The following KPNA3 variants were observed in gnomAD, a reference collection of about 807,000 sequenced individuals.
The protein encoded by KPNA3 is importin subunit alpha-4.
KPNA3 carries 13 observed loss-of-function variants against 73.8 expected under a neutral mutation model. The ratio of observed to expected loss-of-function variants is 0.18; its 90% CI spans 0.11 to 0.28. The LOEUF is 0.28. Ranked by LOEUF, KPNA3 falls within the 10% of genes least tolerant of loss-of-function variation. The pLI, the probability that KPNA3 is intolerant of heterozygous loss-of-function variation, is 1.00. For missense variants in KPNA3, 360 were observed against 618.1 expected (o/e 0.58, Z 4.43); for synonymous variants, 186 against 206.9 (o/e 0.90, Z 0.87).
intron 12 of KPNA3, among the ~76,000 whole-genome samples, chr13:49,709,181 T>A (rs1046075458): frequency 6.6e-6 from 1 of 152,092 alleles, no homozygotes; most frequent in Non-Finnish European, 1.5e-5. Context: ...AGCAGGCGGA[T>A]CACAAGGTCA....
chr13:49,718,977 C>T (rs149184003), intron 10 of KPNA3, among the ~76,000 whole-genome samples: 1 of 105,720 alleles, frequency 9.5e-6, no homozygotes, highest in South Asian at 3.3e-4. Flanking sequence ...ATAAAGATTA[C>T]AAAAACACAA....
chr13:49,762,226 G>A (rs1330432794), intron 1 of KPNA3, among the ~76,000 whole-genome samples: 1 of 147,550 alleles, frequency 6.8e-6, no homozygotes, highest in African/African-American at 2.5e-5. Flanking sequence ...CCGGCCAGCC[G>A]CCCCGTCGCG....
chr13:49,752,164 T>A (rs1954668423), intron 1 of KPNA3, among the ~76,000 whole-genome samples: 1 of 152,168 alleles, frequency 6.6e-6, no homozygotes, highest in Admixed American at 6.5e-5. Flanking sequence ...CACATCAACA[T>A]TGTTAAGTAT....
chr13:49,715,842 T>C (rs1459223417), intron 10 of KPNA3, among the ~76,000 whole-genome samples: 1 of 152,200 alleles, frequency 6.6e-6, no homozygotes, highest in Admixed American at 6.5e-5. Context: ...ACAATAGTCA[T>C]TGGTATAATA....
chr13:49,752,983 C>A (rs1489530840), intron 1 of KPNA3, among the ~76,000 whole-genome samples: 1 of 129,494 alleles, frequency 7.7e-6, no homozygotes, highest in African/African-American at 3.0e-5. Context: ...GCCGAGATTG[C>A]GCCATTGCAC....
intron 14 of KPNA3, 118 bp downstream of exon 14, chr13:49,705,980 T>C: frequency 9.2e-7 from 1 of 1,087,980 alleles, no homozygotes. Context: ...TCTCTTAAAA[T>C]AATAATAATT....
chr13:49,783,095 T>C (rs1335248824), intron 1 of KPNA3, among the ~76,000 whole-genome samples: 1 of 152,128 alleles, frequency 6.6e-6, no homozygotes, highest in African/African-American at 2.4e-5. Flanking sequence ...TTTAACAACC[T>C]GAAGGCATCA....
At chr13:49,789,401 A>C (rs1955013430) in intron 1 of KPNA3, among the ~76,000 whole-genome samples, 1 of 152,066 alleles carries the variant, frequency 6.6e-6, no homozygotes, top group African/African-American at 2.4e-5. Flanking sequence ...ATGACAAAGA[A>C]ATTTTCTTCC....
intron 2 of KPNA3, among the ~76,000 whole-genome samples, chr13:49,737,665 T>C (rs763859608): frequency 1.5e-4 from 23 of 151,284 alleles, no homozygotes; most frequent in Non-Finnish European, 3.2e-4. Flanking sequence ...TGACTGTCCA[T>C]AGGCAACATC....
At chr13:49,729,410 C>A (rs1954440468) in intron 6 of KPNA3, among the ~76,000 whole-genome samples, 1 of 151,650 alleles carries the variant, frequency 6.6e-6, no homozygotes, top group African/African-American at 2.4e-5. Flanking sequence ...AATTATAAAG[C>A]CAAAGAAAGT....
At chr13:49,733,133 A>T in intron 2 of KPNA3, 87 bp from the exon 3 acceptor site, 1 of 822,210 alleles carries the variant, frequency 1.2e-6, no homozygotes, top group Non-Finnish European at 2.1e-6. Context: ...TTTATTAGGC[A>T]ATTATGAAAC....
chr13:49,715,805 G>A (rs953374949), intron 10 of KPNA3, among the ~76,000 whole-genome samples: 22 of 152,086 alleles, frequency 1.4e-4, no homozygotes, highest in Non-Finnish European at 1.2e-4. Context: ...ATACCCTGAA[G>A]ATATACCTCC....
At chr13:49,712,257 G>GA (rs961382229) in intron 10 of KPNA3, among the ~76,000 whole-genome samples, 2 of 152,272 alleles carry the variant, frequency 1.3e-5, no homozygotes, top group Non-Finnish European at 2.9e-5. Context: ...TCTCAAAAGA[G>GA]AAAAGACAGT....
Position 49,732,727 on chromosome 13 carries a change from GTATT to G in KPNA3, c.234+16_234+19del. On this transcript the variant is annotated intron_variant, in intron 4 of 16. Transcript: ENST00000261667. ...AATTTCAAAATACTTCAAAACGAGA[GTATT>G]AATTTAGTAACATACCTGCAATATA... 3.2e-6 allele frequency: 5 copies of G among 1,584,702 alleles called. No individual in the cohort carries two copies. Among genetic ancestry groups the G allele is most frequent in the South Asian group, 1.1e-5 (1 of 87,958 alleles).
chr13:49,785,870 G>C (rs1183664502), intron 1 of KPNA3, among the ~76,000 whole-genome samples: 1 of 152,162 alleles, frequency 6.6e-6, no homozygotes, highest in Non-Finnish European at 1.5e-5. Context: ...AGCACCTTTA[G>C]ACACTGCATA....
At chr13:49,764,547 G>A (rs1013089014) in intron 1 of KPNA3, among the ~76,000 whole-genome samples, 1 of 151,862 alleles carries the variant, frequency 6.6e-6, no homozygotes, top group Non-Finnish European at 1.5e-5. Context: ...ACTTCCTAAC[G>A]TGCACGTCCA....
At chr13:49,768,063 A>C (rs1046732718) in intron 1 of KPNA3, among the ~76,000 whole-genome samples, 6 of 152,124 alleles carry the variant, frequency 3.9e-5, no homozygotes, top group Admixed American at 2.6e-4. Context: ...GCATATCACA[A>C]GGTCTGGAGT....
chr13:49,773,607 A>C (rs896269645), intron 1 of KPNA3, among the ~76,000 whole-genome samples: 19 of 152,172 alleles, frequency 1.2e-4, no homozygotes, highest in Admixed American at 1.1e-3. Context: ...AAATAAATAA[A>C]ATTTACAATA....
chr13:49,759,212 T>C (rs942249965), intron 1 of KPNA3, among the ~76,000 whole-genome samples: 3 of 152,230 alleles, frequency 2.0e-5, no homozygotes, highest in Non-Finnish European at 4.4e-5. Context: ...AACTACCTCA[T>C]TATTTTGAAA....
Sources: gnomAD v4.1 joint callset for allele counts (sites outside exome capture counted in the v4.1 genomes callset) on GRCh38, gnomAD v4.1.1 for gene constraint, MANE v1.5 for transcripts, NCBI Gene and HGNC (gene_info 2026-07-23, HGNC 2026-07-21) for gene names.